The following STAB2 variants were observed in gnomAD, a reference collection of about 807,000 sequenced individuals.
STAB2 encodes the protein stabilin 2.
In STAB2, 288 loss-of-function variants were observed where a neutral mutation model predicts 338.1. The observed-to-expected ratio is 0.85, with a 90% CI of 0.77 to 0.94. The LOEUF (loss-of-function observed/expected upper bound fraction) is 0.94. STAB2 is among the 40% of genes least tolerant of loss of function. STAB2 has a pLI of 0.00. For missense variants in STAB2, 3,141 were observed against 3,210.1 expected (o/e 0.98, Z 0.52); for synonymous variants, 1,202 against 1,193.3 (o/e 1.01, Z -0.15).
At chr12:103,755,248 T>G in intron 61 of STAB2, 54 bp from the exon 62 acceptor site, 2 of 1,594,886 alleles carry the variant, frequency 1.3e-6, no homozygotes, top group Non-Finnish European at 1.7e-6. Context: ...AACCAAGTGA[T>G]GCCACAACAC....
At chr12:103,631,490 AAAC>A in intron 5 of STAB2, 105 bp from the exon 6 acceptor site, 18 of 1,106,558 alleles carry the variant, frequency 1.6e-5, no homozygotes. Flanking sequence ...GCCAAAGTTC[AAAC>A]AACATGCAGA....
chr12:103,629,390 G>A (rs920181588), intron 5 of STAB2, among the ~76,000 whole-genome samples: 5 of 152,184 alleles, frequency 3.3e-5, no homozygotes, highest in Admixed American at 3.3e-4. Context: ...ACTTCTCCCA[G>A]AATGGCTCAC....
chr12:103,666,795 A>G (rs998798661), intron 19 of STAB2, among the ~76,000 whole-genome samples: 6 of 152,252 alleles, frequency 3.9e-5, no homozygotes, highest in Non-Finnish European at 1.5e-5. Flanking sequence ...CTGCAGAGAC[A>G]TACAAGAAAA....
In STAB2 at chr12:103,737,737, C is replaced by T. The variant is rs1237144641; in HGVS notation, c.5654C>T (p.Thr1885Ile). The T allele has an allele frequency of 2.1e-5, 34 of 1,613,816 alleles. No individual in the cohort carries two copies. The highest frequency in any genetic ancestry group is 2.7e-5 in the Non-Finnish European group (32 of 1,180,014). ...ATTGACTGTCTGCTGATTGATCCCA[C>T]CCTGGGGGGCCGCTGTGACACCTTT... The part of the protein sequence containing the change: ...YGIDCLLIDP[T>I]LGGRCDTFTT... Residue 1885 changes from threonine (T) to isoleucine (I), a missense_variant, in exon 53 of 69, where the codon ACC (threonine) becomes ATC (isoleucine). Physicochemically the swap from Thr to Ile is moderately conservative, Grantham distance 89 (BLOSUM62 -1). Transcript: ENST00000388887.
At chr12:103,589,496 A>G (rs1345197150) in intron 1 of STAB2, among the ~76,000 whole-genome samples, 1 of 152,174 alleles carries the variant, frequency 6.6e-6, no homozygotes, top group African/African-American at 2.4e-5. Flanking sequence ...AAGAGATCCT[A>G]CCCCTTCTCT....
chr12:103,650,617 T>C, intron 11 of STAB2, 39 bp downstream of exon 11: 1 of 1,560,442 alleles, frequency 6.4e-7, no homozygotes, highest in Non-Finnish European at 8.8e-7. Flanking sequence ...GGGGCTAATA[T>C]GAAAAGCCTT....
intron 4 of STAB2, 115 bp downstream of exon 4, chr12:103,620,668 T>TGC: frequency 1.1e-6 from 1 of 904,670 alleles, no homozygotes; most frequent in Non-Finnish European, 1.7e-6. Flanking sequence ...CACACACACA[T>TGC]ATACAGCGAA....
intron 3 of STAB2, among the ~76,000 whole-genome samples, chr12:103,618,082 A>G (rs560757123): frequency 2.8e-4 from 42 of 152,312 alleles, no homozygotes; most frequent in African/African-American, 8.4e-4. Context: ...AGAGAGCTGC[A>G]TTTCTTAGTG....
chr12:103,611,447 C>T (rs1468383478), intron 3 of STAB2, among the ~76,000 whole-genome samples: 1 of 152,112 alleles, frequency 6.6e-6, no homozygotes, highest in Non-Finnish European at 1.5e-5. Context: ...ATGTAATGGC[C>T]TTCTTTGTCT....
intron 59 of STAB2, 111 bp downstream of exon 59, chr12:103,749,267 T>C: frequency 8.3e-7 from 1 of 1,201,398 alleles, no homozygotes; most frequent in African/African-American, 1.5e-5. Context: ...CTAAACATTT[T>C]TTCTAGCACA....
At chr12:103,739,583 G>C in intron 54 of STAB2, 115 bp downstream of exon 54, 1 of 767,084 alleles carries the variant, frequency 1.3e-6, no homozygotes, top group Non-Finnish European at 1.9e-6. Flanking sequence ...GCCCGTGCAC[G>C]TATGTTGCAT....
At chr12:103,702,596 G>A (rs1456988906) in intron 34 of STAB2, among the ~76,000 whole-genome samples, 5 of 152,258 alleles carry the variant, frequency 3.3e-5, no homozygotes, top group Non-Finnish European at 7.3e-5. Flanking sequence ...ACCGCGCCCG[G>A]CCTATCAGTT....
chr12:103,617,644 A>T (rs1032945982), intron 3 of STAB2, among the ~76,000 whole-genome samples: 5 of 152,206 alleles, frequency 3.3e-5, no homozygotes, highest in Non-Finnish European at 5.9e-5. Context: ...TGCCACTACT[A>T]GCCTAGTTGG....
chr12:103,609,838 T>C (rs1246927606), intron 3 of STAB2, among the ~76,000 whole-genome samples: 2 of 152,158 alleles, frequency 1.3e-5, no homozygotes, highest in Non-Finnish European at 2.9e-5. Flanking sequence ...CATAAATAGC[T>C]CTTATTATTT....
In STAB2 at chr12:103,654,704, T is replaced by TC; in HGVS notation, c.1551+6_1551+7insC. 6.2e-7 allele frequency: 1 copy of TC among 1,612,724 alleles called. No homozygotes were observed. The highest frequency in any genetic ancestry group is 8.5e-7 in the Non-Finnish European group (1 of 1,179,492). Reference sequence around the variant, plus strand: ...CATTTGAGAGCAACAATGAGGTGAGTATTCAGATAAAAGTCACATCAGGCC... The same window carrying TC: ...CATTTGAGAGCAACAATGAGGTGAGTCATTCAGATAAAAGTCACATCAGGCC... On this transcript the variant is annotated splice_region_variant and intron_variant, in intron 13 of 68. Coordinates refer to ENST00000388887, the MANE Select transcript of STAB2 (RefSeq NM_017564.10).
intron 1 of STAB2, among the ~76,000 whole-genome samples, chr12:103,588,261 A>G (rs1490548833): frequency 6.6e-6 from 1 of 152,214 alleles, no homozygotes; most frequent in Non-Finnish European, 1.5e-5. Context: ...TGCTCTGATA[A>G]TGTTTTCATG....
intron 15 of STAB2, 88 bp from the exon 16 acceptor site, chr12:103,660,243 T>A: frequency 7.3e-7 from 1 of 1,368,982 alleles, no homozygotes; most frequent in Non-Finnish European, 1.0e-6. Flanking sequence ...TTTTTCTTGA[T>A]TGTCTAACGT....
chr12:103,595,301 TCTC>T (rs1393611168), intron 3 of STAB2, among the ~76,000 whole-genome samples: 1 of 152,158 alleles, frequency 6.6e-6, no homozygotes, highest in African/African-American at 2.4e-5. Flanking sequence ...AATGAAAACA[TCTC>T]CTTAGGATCC....
chr12:103,660,522 C>T (rs1874519233), intron 16 of STAB2, 138 bp downstream of exon 16: 1 of 1,258,176 alleles, frequency 7.9e-7, no homozygotes, highest in South Asian at 1.2e-5. Flanking sequence ...AACAATGAGT[C>T]CATTATCAGA....
Sources: gnomAD v4.1 joint callset for allele counts (sites outside exome capture counted in the v4.1 genomes callset) on GRCh38, gnomAD v4.1.1 for gene constraint, MANE v1.5 for transcripts, NCBI Gene and HGNC (gene_info 2026-07-23, HGNC 2026-07-21) for gene names.